RBMS3: variants seen among roughly 807,000 people sequenced by gnomAD.
RBMS3 encodes the protein RNA-binding motif, single-stranded-interacting protein 3.
A neutral mutation model predicts 66.8 loss-of-function variants in RBMS3; 27 were observed. The ratio of observed to expected loss-of-function variants is 0.40; its 90% CI spans 0.30 to 0.56. The LOEUF (loss-of-function observed/expected upper bound fraction) is 0.56, where lower values mean the gene tolerates loss of function less well. Ranked by LOEUF, RBMS3 falls within the 20% of genes least tolerant of loss-of-function variation. RBMS3 has a pLI of 0.40. For missense variants in RBMS3, 513 were observed against 549.5 expected, an observed-to-expected ratio of 0.93 and a Z score of 0.66; for synonymous variants, 188 against 183.0, an observed-to-expected ratio of 1.03 and a Z score of -0.22.
chr3:29,505,139 T>A (rs1487448029), intron 3 of RBMS3, among the ~76,000 whole-genome samples: 1 of 152,126 alleles, frequency 6.6e-6, no homozygotes, highest in Non-Finnish European at 1.5e-5. Context: ...ACCAGACCAA[T>A]GTCACAGAGC....
intron 4 of RBMS3, among the ~76,000 whole-genome samples, chr3:29,649,610 T>A (rs753073443): frequency 3.3e-5 from 5 of 152,110 alleles, no homozygotes; most frequent in African/African-American, 4.8e-5. Context: ...ATAATGAACC[T>A]TCTAGGCAGC....
intron 3 of RBMS3, among the ~76,000 whole-genome samples, chr3:29,577,822 T>C (rs2047175398): frequency 6.6e-6 from 1 of 152,164 alleles, no homozygotes; most frequent in Admixed American, 6.5e-5. Context: ...CAGGACTGTC[T>C]TTCCTGTTCT....
chr3:29,807,366 T>G (rs1217396386), intron 6 of RBMS3, among the ~76,000 whole-genome samples: 1 of 151,926 alleles, frequency 6.6e-6, no homozygotes, highest in East Asian at 1.9e-4. Context: ...TCAAACATTG[T>G]ATATGATTAC....
intron 4 of RBMS3, among the ~76,000 whole-genome samples, chr3:29,659,339 T>C (rs1350295598): frequency 6.6e-6 from 1 of 152,156 alleles, no homozygotes; most frequent in Non-Finnish European, 1.5e-5. Flanking sequence ...AGAGCCCTTT[T>C]CGTCTTTTAA....
intron 4 of RBMS3, among the ~76,000 whole-genome samples, chr3:29,657,042 A>C (rs975762714): frequency 6.6e-6 from 1 of 152,202 alleles, no homozygotes; most frequent in African/African-American, 2.4e-5. Context: ...TTATGAGCGA[A>C]GTCTGAGAGT....
At chr3:29,850,365 C>G (rs535627526) in intron 6 of RBMS3, among the ~76,000 whole-genome samples, 12 of 152,160 alleles carry the variant, frequency 7.9e-5, no homozygotes, top group Non-Finnish European at 1.5e-4. Context: ...ATTGAGGTTA[C>G]ATAACCTTCA....
At chr3:29,574,351 C>A (rs1433169832) in intron 3 of RBMS3, among the ~76,000 whole-genome samples, 1 of 152,040 alleles carries the variant, frequency 6.6e-6, no homozygotes, top group Admixed American at 6.6e-5. Context: ...GTCTTGAAAT[C>A]CATTTTTTCT....
chr3:29,326,155 A>T (rs781729231), intron 1 of RBMS3, among the ~76,000 whole-genome samples: 10 of 152,116 alleles, frequency 6.6e-5, no homozygotes, highest in Non-Finnish European at 1.3e-4. Flanking sequence ...TCTTTCTACA[A>T]TGCAGTTTGA....
intron 12 of RBMS3, among the ~76,000 whole-genome samples, chr3:29,968,892 G>T (rs1697043455): frequency 7.0e-6 from 1 of 142,198 alleles, no homozygotes; most frequent in East Asian, 2.0e-4. Context: ...GTTAACATTT[G>T]ACCCTAGTGA....
chr3:29,636,038 ATGTGTGTGTGTG>A lies in RBMS3; in HGVS notation c.399+48857_399+48868del, dbSNP rs10565409. Among the ~76,000 whole-genome samples the A allele has an allele frequency of 1.4e-5, 2 of 145,224 alleles. 1 individual carries two copies. Among genetic ancestry groups the A allele is most frequent in the Admixed American group, 1.4e-4 (2 of 14,444 alleles). On this transcript the variant is annotated intron_variant, in intron 4 of 14. Transcript: ENST00000383767. ...GAAGGGTCTGATGCTGTCATCAAGA[ATGTGTGTGTGTG>A]TGTGTGTGTGTGTGTGTGTGTGTTT...
chr3:29,645,599 T>C (rs535958848), intron 4 of RBMS3, among the ~76,000 whole-genome samples: 78 of 152,348 alleles, frequency 5.1e-4, no homozygotes, highest in African/African-American at 1.8e-3. Flanking sequence ...TCTTCCATTT[T>C]ACTGTATCAT....
At chr3:29,741,050 A>G (rs569272898) in intron 5 of RBMS3, among the ~76,000 whole-genome samples, 1 of 152,146 alleles carries the variant, frequency 6.6e-6, no homozygotes, top group African/African-American at 2.4e-5. Flanking sequence ...CAAAAAAAAA[A>G]AAAAAAGAAA....
intron 4 of RBMS3, among the ~76,000 whole-genome samples, chr3:29,651,846 A>G (rs1489555944): frequency 6.6e-6 from 1 of 152,190 alleles, no homozygotes; most frequent in Admixed American, 6.5e-5. Context: ...ACAAGTTGTC[A>G]TGCATCATAT....
At chr3:29,823,910 T>A (rs2058136999) in intron 6 of RBMS3, among the ~76,000 whole-genome samples, 1 of 152,134 alleles carries the variant, frequency 6.6e-6, no homozygotes, top group African/African-American at 2.4e-5. Flanking sequence ...CCAGAGGGGT[T>A]TAGTCATGCT....
chr3:29,684,792 A>G (rs979981687), intron 4 of RBMS3, among the ~76,000 whole-genome samples: 28 of 151,396 alleles, frequency 1.8e-4, no homozygotes, highest in Non-Finnish European at 3.2e-4. Context: ...ACACACACAC[A>G]CACACACACA....
rs368838433 is a variant in RBMS3, at chr3:29,333,758, AGAACAGGGAT to A, written c.75+52004_75+52013del. On this transcript the variant is annotated intron_variant, in intron 1 of 14. Transcript: ENST00000383767. Reference sequence around the variant, plus strand: ...ATGAATTCAGCATCTTTAACAAGTAAGAACAGGGATGCAAAGTTGTCTTTGTTTTCTTAGT... The same window carrying A: ...ATGAATTCAGCATCTTTAACAAGTAAGCAAAGTTGTCTTTGTTTTCTTAGT... Among the ~76,000 whole-genome samples, 5 of 152,306 alleles carry A rather than the reference AGAACAGGGAT, an allele frequency of 3.3e-5. No homozygotes were observed. The East Asian group carries it at 9.7e-4, about 29-fold the overall frequency.
intron 4 of RBMS3, among the ~76,000 whole-genome samples, chr3:29,632,279 T>C (rs188267555): frequency 1.3e-5 from 2 of 151,036 alleles, no homozygotes; most frequent in Admixed American, 1.3e-4. Flanking sequence ...ATAAAAATTT[T>C]GATTTTTATG....
At chr3:29,384,455 AG>A (rs1283052359) in intron 1 of RBMS3, among the ~76,000 whole-genome samples, 6 of 151,954 alleles carry the variant, frequency 3.9e-5, no homozygotes, top group Non-Finnish European at 8.8e-5. Flanking sequence ...AAGAAGAAGA[AG>A]AAGAAGAAGA....
In RBMS3 at chr3:29,587,120, G is replaced by T. The variant is rs2047544283; in HGVS notation, c.314G>T (p.Gly105Val). ...GGATTTTGTGTTTTCACAGGTTATG[G>T]TTTTGTAGATTTTGACAGTCCTGCA... ...DKNTNQCKGY[G>V]FVDFDSPAAA... The change falls in exon 4 of 15, where the codon GGT (glycine) becomes GTT (valine). Residue 105 changes from glycine (G) to valine (V), a missense_variant. Gly to Val is a moderately radical substitution (Grantham distance 109). Coordinates refer to ENST00000383767, the MANE Select transcript of RBMS3 (RefSeq NM_001003793.3). 6.2e-7 allele frequency: 1 copy of T among 1,606,522 alleles called. No homozygotes were observed. Among genetic ancestry groups the T allele is most frequent in the Admixed American group, 1.7e-5 (1 of 59,104 alleles).
Sources: allele counts gnomAD v4.1 joint callset (sites outside exome capture counted in the v4.1 genomes callset), GRCh38; gene constraint gnomAD v4.1.1; transcripts MANE v1.5; gene names NCBI Gene and HGNC (gene_info 2026-07-23, HGNC 2026-07-21).